HAS2: variants seen among roughly 807,000 people sequenced by gnomAD.
HAS2 encodes the protein HA synthase 2.
Under a neutral mutation model 51.6 loss-of-function variants are expected in HAS2, and 16 were observed. That is an observed-to-expected ratio of 0.31 (90% CI 0.21 to 0.47). The LOEUF (loss-of-function observed/expected upper bound fraction) is 0.47. HAS2 is among the 20% of genes least tolerant of loss of function. The pLI is 1.00. For synonymous variants in HAS2, 228 were observed against 235.5 expected (o/e 0.97, Z 0.29); for missense variants, 361 against 662.6 (o/e 0.54, Z 5.00).
At chr8:121,637,040 C>A in intron 1 of HAS2, among the ~76,000 whole-genome samples, 1 of 152,112 alleles carries the variant, frequency 6.6e-6, no homozygotes, top group East Asian at 1.9e-4. Flanking sequence ...ATAAAACTTT[C>A]TTTGCAGATT....
chr8:121,612,139 C>T lies in HAS2; in HGVS notation c.*1970G>A, dbSNP rs1812642524. The T allele has an allele frequency of 1.3e-5, 2 of 151,538 alleles. No homozygotes were observed. Among genetic ancestry groups the T allele is most frequent in the East Asian group, 1.9e-4 (1 of 5,160 alleles). The allele number at this position is 151,538 out of a possible 1,614,324, so 9.4% of individuals were successfully genotyped here. ...AATCTTATCAAAAATATTTTATTTA[C>T]AAAAAATTAATTATACTATACATCC... On this transcript the variant is annotated 3_prime_UTR_variant, in exon 4 of 4. Transcript: ENST00000303924.
At chr8:121,619,617 TC>T (rs925515320) in intron 2 of HAS2, among the ~76,000 whole-genome samples, 75 of 152,102 alleles carry the variant, frequency 4.9e-4, no homozygotes, top group African/African-American at 1.7e-3. Flanking sequence ...TGGGTCTGTA[TC>T]CAAGCATCTC....
At chr8:121,621,772 CTAT>C (rs1812776933) in intron 2 of HAS2, among the ~76,000 whole-genome samples, 1 of 152,138 alleles carries the variant, frequency 6.6e-6, no homozygotes, top group Admixed American at 6.5e-5. Context: ...ATACTGTTAT[CTAT>C]TCTACCAGAT....
chr8:121,622,177 T>C (rs1812782445), intron 2 of HAS2, among the ~76,000 whole-genome samples: 1 of 152,050 alleles, frequency 6.6e-6, no homozygotes, highest in Non-Finnish European at 1.5e-5. Context: ...CCCATCCCAA[T>C]TTCTCTAGTA....
intron 2 of HAS2, among the ~76,000 whole-genome samples, chr8:121,620,066 A>G (rs887575568): frequency 1.3e-5 from 2 of 152,206 alleles, no homozygotes; most frequent in African/African-American, 4.8e-5. Flanking sequence ...GATTGTTCAC[A>G]TGGTGAATTT....
chr8:121,632,422 G>A (rs188648229), intron 1 of HAS2, among the ~76,000 whole-genome samples: 36 of 144,326 alleles, frequency 2.5e-4, no homozygotes, highest in Non-Finnish European at 3.9e-4. Flanking sequence ...CTTACTACTA[G>A]GTAGAAAGAT....
chr8:121,612,634 T>C lies in HAS2; in HGVS notation c.*1475A>G, dbSNP rs1046305261. 1 of 152,144 alleles carries C rather than the reference T, an allele frequency of 6.6e-6. No individual in the cohort carries two copies. Among genetic ancestry groups the C allele is most frequent in the African/African-American group, 2.4e-5 (1 of 41,454 alleles). 9.4% of individuals were successfully genotyped at this position (152,144 alleles called of 1,614,324 possible). The stretch of plus-strand genomic sequence containing the variant: ...TCGTGTAAAAAATAAAACTGGATAA[T>C]GGAGGCCTTGCAGTAACTAAATTAG... On this transcript the variant is annotated 3_prime_UTR_variant, in exon 4 of 4. Transcript: ENST00000303924.
intron 2 of HAS2, among the ~76,000 whole-genome samples, chr8:121,628,188 TTCCTTC>T (rs1466153119): frequency 6.6e-6 from 1 of 152,196 alleles, no homozygotes; most frequent in Non-Finnish European, 1.5e-5. Flanking sequence ...TGTTTTCCTT[TTCCTTC>T]TCTCAATTTT....
chr8:121,621,495 A>G (rs985009076), intron 2 of HAS2, among the ~76,000 whole-genome samples: 1 of 152,334 alleles, frequency 6.6e-6, no homozygotes, highest in African/African-American at 2.4e-5. Context: ...TATTTCCATT[A>G]GTATAAGGTA....
intron 2 of HAS2, among the ~76,000 whole-genome samples, chr8:121,617,521 C>T (rs992660473): frequency 3.3e-5 from 5 of 152,078 alleles, no homozygotes; most frequent in African/African-American, 1.2e-4. Flanking sequence ...ATGAAAGTCT[C>T]ACATCCCAGG....
intron 2 of HAS2, among the ~76,000 whole-genome samples, chr8:121,624,854 G>A: frequency 6.6e-6 from 1 of 152,158 alleles, no homozygotes; most frequent in East Asian, 1.9e-4. Context: ...CCAGCACTTT[G>A]GGAGGCCGAG....
chr8:121,624,989 T>A (rs1812823456), intron 2 of HAS2, among the ~76,000 whole-genome samples: 1 of 150,878 alleles, frequency 6.6e-6, no homozygotes, highest in African/African-American at 2.4e-5. Context: ...TCCCGGGTAC[T>A]TGGGAGGTTG....
At position 121,614,442 on chromosome 8, in the gene HAS2, T is replaced by C. The variant is rs1812675785; in HGVS notation, c.1326A>G (p.Leu442=). The C allele has an allele frequency of 6.2e-7, 1 of 1,614,120 alleles. No homozygotes were observed. ...VMVFMSLYSV[L]YMSSLLPAKM... ...TGGCGGGAAGTAAACTCGACATGTA[T>C]AACACTGAGTAGAGAGACATGAAGA... The change falls in exon 4 of 4, where the codon TTA becomes TTG. Residue 442 remains leucine (L), a synonymous_variant. Coordinates refer to ENST00000303924, the MANE Select transcript of HAS2 (RefSeq NM_005328.3). The surrounding 1 kb of genome is among the most constrained non-coding windows in gnomAD (Gnocchi z 7.2).
chr8:121,620,193 A>G (rs1812755468), intron 2 of HAS2, among the ~76,000 whole-genome samples: 1 of 152,234 alleles, frequency 6.6e-6, no homozygotes, highest in African/African-American at 2.4e-5. Context: ...AATGCCAGCT[A>G]GAAAGCCATG....
At chr8:121,629,539 C>G (rs1812901116) in intron 1 of HAS2, among the ~76,000 whole-genome samples, 199 bp from the exon 2 acceptor site, 1 of 152,144 alleles carries the variant, frequency 6.6e-6, no homozygotes. Flanking sequence ...TTCTAGCATA[C>G]CTCAGAGGGT....
intron 3 of HAS2, among the ~76,000 whole-genome samples, chr8:121,616,424 T>C (rs10097083): frequency 0.19 from 29,363 of 151,400 alleles, 2,939 homozygotes; most frequent in Middle Eastern, 0.3. Context: ...CTTCTATTTC[T>C]TTTTTCTTTT....
intron 2 of HAS2, among the ~76,000 whole-genome samples, 173 bp from the exon 3 acceptor site, chr8:121,617,379 G>A (rs1812717695): frequency 6.6e-6 from 1 of 152,126 alleles, no homozygotes; most frequent in African/African-American, 2.4e-5. Flanking sequence ...AATACAAAGA[G>A]CCTATTTTTC....
At chr8:121,637,709 A>G (rs1440875698) in intron 1 of HAS2, among the ~76,000 whole-genome samples, 1 of 152,220 alleles carries the variant, frequency 6.6e-6, no homozygotes, top group Non-Finnish European at 1.5e-5. Flanking sequence ...GGCTGTATGC[A>G]GTAGGATAAT....
At chr8:121,621,592 A>C (rs939149630) in intron 2 of HAS2, among the ~76,000 whole-genome samples, 2 of 152,212 alleles carry the variant, frequency 1.3e-5, no homozygotes, top group African/African-American at 4.8e-5. Context: ...CAGTAGCAAC[A>C]ATCACTAATA....
Sources: gnomAD v4.1 joint callset for allele counts (sites outside exome capture counted in the v4.1 genomes callset) on GRCh38, gnomAD v4.1.1 for gene constraint, Gnocchi (gnomAD v3.1) non-coding constraint, MANE v1.5 for transcripts, NCBI Gene and HGNC (gene_info 2026-07-23, HGNC 2026-07-21) for gene names.